Variants in MECOM observed in about 807,000 individuals in gnomAD.
The protein encoded by MECOM is MDS1 and EVI1 complex locus.
In MECOM, 13 loss-of-function variants were observed where a neutral mutation model predicts 116.3. The observed-to-expected ratio is 0.11, with a 90% CI of 0.07 to 0.18. MECOM has a LOEUF of 0.18. Among genes scored for constraint, MECOM ranks in the 10% least tolerant of loss-of-function variants. MECOM has a pLI of 1.00. For missense variants in MECOM, 1,299 were observed against 1,509.0 expected (o/e 0.86, Z 2.31); for synonymous variants, 528 against 535.2 (o/e 0.99, Z 0.19).
intron 1 of MECOM, among the ~76,000 whole-genome samples, chr3:169,593,592 G>C (rs1333027068): frequency 1.3e-5 from 2 of 152,064 alleles, no homozygotes; most frequent in Non-Finnish European, 2.9e-5. Flanking sequence ...TGAATCTCCA[G>C]GTAAGGTCCA....
intron 1 of MECOM, among the ~76,000 whole-genome samples, chr3:169,586,568 A>C (rs1167543065): frequency 6.6e-6 from 1 of 152,184 alleles, no homozygotes; most frequent in African/African-American, 2.4e-5. Flanking sequence ...ATTCGCAAAA[A>C]AGTTTTAATT....
At chr3:169,199,557 G>A (rs750440369) in intron 2 of MECOM, among the ~76,000 whole-genome samples, 21 of 152,154 alleles carry the variant, frequency 1.4e-4, no homozygotes, top group South Asian at 4.1e-4. Flanking sequence ...GGGATTACAG[G>A]TGTGAGGCAC....
intron 11 of MECOM, among the ~76,000 whole-genome samples, chr3:169,101,800 G>A (rs1324941386): frequency 1.3e-5 from 2 of 152,176 alleles, no homozygotes; most frequent in East Asian, 1.9e-4. Flanking sequence ...ATATCAAAGT[G>A]AGACAAGTAG....
intron 2 of MECOM, among the ~76,000 whole-genome samples, chr3:169,367,950 G>C (rs1333003796): frequency 1.3e-5 from 2 of 152,020 alleles, no homozygotes; most frequent in Non-Finnish European, 2.9e-5. Flanking sequence ...CTATTTCTAT[G>C]AAATGTTTGC....
intron 1 of MECOM, among the ~76,000 whole-genome samples, chr3:169,622,036 C>T (rs768401687): frequency 6.6e-6 from 1 of 152,246 alleles, no homozygotes; most frequent in Non-Finnish European, 1.5e-5. Flanking sequence ...GCACTCCAAA[C>T]TCTCTTTCTT....
chr3:169,373,560 T>C (rs1315518917), intron 2 of MECOM, among the ~76,000 whole-genome samples: 2 of 152,060 alleles, frequency 1.3e-5, no homozygotes, highest in Non-Finnish European at 2.9e-5. Context: ...CAGTTTTTTC[T>C]TAAGTTTTTA....
At chr3:169,647,610 A>C (rs2110066916) in intron 1 of MECOM, among the ~76,000 whole-genome samples, 1 of 152,300 alleles carries the variant, frequency 6.6e-6, no homozygotes, top group East Asian at 1.9e-4. Context: ...AAAACTGAAA[A>C]ACCTAAATAA....
intron 1 of MECOM, among the ~76,000 whole-genome samples, chr3:169,521,327 A>G (rs1162085095): frequency 6.6e-6 from 1 of 152,092 alleles, no homozygotes; most frequent in Non-Finnish European, 1.5e-5. Context: ...TTATTTTTGT[A>G]TTTCTGTCCT....
intron 2 of MECOM, among the ~76,000 whole-genome samples, chr3:169,329,403 CTCAAAAT>C (rs1376826000): frequency 1.3e-5 from 2 of 152,180 alleles, no homozygotes; most frequent in African/African-American, 4.8e-5. Flanking sequence ...AAGAAGAAGT[CTCAAAAT>C]GCTTGGGACA....
intron 1 of MECOM, among the ~76,000 whole-genome samples, chr3:169,483,134 G>A (rs1232435729): frequency 6.6e-6 from 1 of 151,240 alleles, no homozygotes; most frequent in East Asian, 1.9e-4. Flanking sequence ...ATAGAACACA[G>A]TCCTGCAGAC....
chr3:169,392,463 T>C (rs1734366609), intron 1 of MECOM, among the ~76,000 whole-genome samples: 1 of 152,194 alleles, frequency 6.6e-6, no homozygotes, highest in East Asian at 1.9e-4. Context: ...TTGCCAAAGA[T>C]GCTACTGCTC....
chr3:169,568,254 G>A (rs1295440397), intron 1 of MECOM, among the ~76,000 whole-genome samples: 1 of 152,124 alleles, frequency 6.6e-6, no homozygotes, highest in African/African-American at 2.4e-5. Context: ...AGGTGCCTAG[G>A]CCACCAGGGC....
At chr3:169,651,203 C>G (rs1327468292) in intron 1 of MECOM, among the ~76,000 whole-genome samples, 2 of 152,128 alleles carry the variant, frequency 1.3e-5, no homozygotes, top group Non-Finnish European at 2.9e-5. Flanking sequence ...GCCAATTTTG[C>G]TGAAAGTTTT....
At chr3:169,344,192 C>T (rs547724780) in intron 2 of MECOM, among the ~76,000 whole-genome samples, 8 of 152,010 alleles carry the variant, frequency 5.3e-5, no homozygotes, top group African/African-American at 1.7e-4. Context: ...TACTATACTG[C>T]GTGTGTATGG....
intron 1 of MECOM, among the ~76,000 whole-genome samples, chr3:169,534,940 C>T (rs1390846254): frequency 6.6e-6 from 1 of 152,198 alleles, no homozygotes; most frequent in Non-Finnish European, 1.5e-5. Flanking sequence ...TGGGCAACCT[C>T]TCCATTTAGT....
intron 2 of MECOM, among the ~76,000 whole-genome samples, chr3:169,328,224 C>T (rs576661251): frequency 1.3e-5 from 2 of 152,330 alleles, no homozygotes; most frequent in South Asian, 4.1e-4. Context: ...TTCCCAGCCC[C>T]TCCTTCCAAT....
chr3:169,555,621 T>C (rs951862798), intron 1 of MECOM, among the ~76,000 whole-genome samples: 1 of 152,226 alleles, frequency 6.6e-6, no homozygotes, highest in Non-Finnish European at 1.5e-5. Context: ...ACATCTTGAA[T>C]GCCCAGCCTG....
intron 1 of MECOM, among the ~76,000 whole-genome samples, chr3:169,524,639 C>G (rs1286511587): frequency 1.3e-5 from 2 of 152,212 alleles, no homozygotes; most frequent in East Asian, 1.9e-4. Flanking sequence ...GCACTGGGAC[C>G]CAGATACCAC....
intron 11 of MECOM, among the ~76,000 whole-genome samples, chr3:169,101,670 T>C (rs1723591992): frequency 6.6e-6 from 1 of 152,190 alleles, no homozygotes; most frequent in South Asian, 2.1e-4. Context: ...TTATGGACCT[T>C]ACTTCTCTTT....
Sources: allele counts gnomAD v4.1 joint callset (sites outside exome capture counted in the v4.1 genomes callset), GRCh38; gene constraint gnomAD v4.1.1; transcripts MANE v1.5; gene names NCBI Gene and HGNC (gene_info 2026-07-23, HGNC 2026-07-21).